Variants in IQANK1 observed in about 807,000 individuals in gnomAD.
The protein encoded by IQANK1 is IQ motif and ankyrin repeat containing 1.
Under a neutral mutation model 22.6 loss-of-function variants are expected in IQANK1, and 30 were observed. That is an observed-to-expected ratio of 1.33 (90% CI 0.99 to 1.80). The LOEUF (loss-of-function observed/expected upper bound fraction) is 1.80, where lower values mean the gene tolerates loss of function less well. IQANK1 is among the 40% of genes most tolerant of loss of function. The pLI, the probability that IQANK1 is intolerant of heterozygous loss-of-function variation, is 0.00. For synonymous variants in IQANK1, 122 were observed against 99.6 expected (o/e 1.23, Z -1.34); for missense variants, 275 against 235.2 (o/e 1.17, Z -1.11).
chr8:143,759,671 C>T (rs1261430518), intron 3 of IQANK1: 6 of 152,236 alleles, frequency 3.9e-5, no homozygotes, highest in Non-Finnish European at 5.9e-5. Context: ...CCAAGGATGC[C>T]CGCCTTGCGC....
chr8:143,787,047 T>C (rs1470271575), intron 7 of IQANK1, among the ~76,000 whole-genome samples: 3 of 152,084 alleles, frequency 2.0e-5, no homozygotes, highest in African/African-American at 4.8e-5. Flanking sequence ...GGGAAACTGC[T>C]CAGAAGCAGG....
At chr8:143,783,114 A>T (rs758359007) in intron 7 of IQANK1, among the ~76,000 whole-genome samples, 1 of 152,244 alleles carries the variant, frequency 6.6e-6, no homozygotes, top group African/African-American at 2.4e-5. Flanking sequence ...GGCTTTGGTT[A>T]TAATGATGCT....
intron 3 of IQANK1, among the ~76,000 whole-genome samples, chr8:143,748,564 A>G (rs61553092): frequency 0.055 from 7,403 of 133,664 alleles, 450 homozygotes; most frequent in African/African-American, 0.15. Context: ...AGATATATAT[A>G]TCATATATAA....
At chr8:143,756,557 T>A (rs556739692) in intron 3 of IQANK1, among the ~76,000 whole-genome samples, 44 of 152,192 alleles carry the variant, frequency 2.9e-4, no homozygotes, top group African/African-American at 1.0e-3. Context: ...ACGCCCAACC[T>A]CGTGGCTTGG....
rs1554631878 is a variant in IQANK1, at chr8:143,789,430, A to T, written c.994-6A>T. ...CTTGCCAGGGCCTGCCCGTACGCCC[A>T]CCCAGCTGCAACAGGCCTACTGTGA... is the stretch of plus-strand genomic sequence containing the variant. On this transcript the variant is annotated splice_polypyrimidine_tract_variant and splice_region_variant and intron_variant, in intron 9 of 13. Coordinates refer to ENST00000527139, the MANE Select transcript of IQANK1 (RefSeq NM_001381874.1). 1 of 1,222,526 alleles carries T rather than the reference A, an allele frequency of 8.2e-7. No individual in the cohort carries two copies. Among genetic ancestry groups the T allele is most frequent in the African/African-American group, 1.6e-5 (1 of 64,214 alleles). The allele number at this position is 1,222,526 out of a possible 1,614,324, so 75.7% of individuals were successfully genotyped here.
At position 143,772,895 on chromosome 8, in the gene IQANK1, C is replaced by T. The variant is rs545281205; in HGVS notation, c.789+413C>T. Among the ~76,000 whole-genome samples the T allele has an allele frequency of 9.2e-5, 14 of 152,312 alleles. No individual in the cohort carries two copies. In the South Asian group the frequency reaches 2.7e-3, roughly 29 times the overall value. On this transcript the variant is annotated intron_variant, in intron 7 of 13. Coordinates refer to ENST00000527139, the MANE Select transcript of IQANK1 (RefSeq NM_001381874.1). ...AGAGCTCACGGCGCTGGGGGCAGCACGGGGCCCACCCATCGGTCCCCTCAC... is the reference window on the plus strand; with the variant it reads ...AGAGCTCACGGCGCTGGGGGCAGCATGGGGCCCACCCATCGGTCCCCTCAC...
At chr8:143,753,698 G>A (rs925815906) in intron 3 of IQANK1, among the ~76,000 whole-genome samples, 3 of 152,004 alleles carry the variant, frequency 2.0e-5, no homozygotes, top group African/African-American at 7.2e-5. Context: ...CAGGTGACCT[G>A]CCTGCCTCGG....
intron 3 of IQANK1, among the ~76,000 whole-genome samples, chr8:143,762,458 C>T (rs1280869094): frequency 6.6e-6 from 1 of 152,220 alleles, no homozygotes; most frequent in Non-Finnish European, 1.5e-5. Context: ...GCATGGACAT[C>T]TCACTAGGCA....
chr8:143,753,660 G>A (rs1554628272), intron 3 of IQANK1, among the ~76,000 whole-genome samples: 1 of 151,952 alleles, frequency 6.6e-6, no homozygotes. Context: ...TCACCGTGTT[G>A]GCCAGGCTGT....
intron 8 of IQANK1, 63 bp downstream of exon 8, chr8:143,789,126 G>A (rs1026448082): frequency 5.0e-6 from 2 of 401,830 alleles, no homozygotes; most frequent in South Asian, 1.2e-4. Context: ...AGGGAGCCCG[G>A]GCAGGGGGTG....
chr8:143,767,019 ACTGGTCT>A (rs1380925287), intron 3 of IQANK1, among the ~76,000 whole-genome samples: 2 of 152,268 alleles, frequency 1.3e-5, no homozygotes, highest in Non-Finnish European at 2.9e-5. Flanking sequence ...ACCCACGGCC[ACTGGTCT>A]CCGTGTGAGA....
At chr8:143,742,702 A>G (rs561401546) in intron 3 of IQANK1, 3 of 455,934 alleles carry the variant, frequency 6.6e-6, no homozygotes, top group South Asian at 4.6e-5. Context: ...GGAAGCTCCA[A>G]AGGGGGGCCT....
rs1554625579 is a variant in IQANK1 at position 143,735,841 on chromosome 8, AC to A, written c.-4-3del. On this transcript the variant is annotated splice_polypyrimidine_tract_variant and splice_region_variant and intron_variant, in intron 1 of 13. Transcript: ENST00000527139. This position sits in a 1 kb window ranked among gnomAD's most constrained non-coding sequence, Gnocchi z 5.2. ...CCCTCTCCCTGGTCCTTCCCTACCCACCCCCCAGGAGAATGGACAGTAAGAA... is the reference window on the plus strand; with the variant it reads ...CCCTCTCCCTGGTCCTTCCCTACCCACCCCCAGGAGAATGGACAGTAAGAA... The A allele has an allele frequency of 2.9e-6, 2 of 700,404 alleles. No homozygotes were observed. Among genetic ancestry groups the A allele is most frequent in the African/African-American group, 3.5e-5 (2 of 56,492 alleles). 43.4% of individuals were successfully genotyped at this position (700,404 alleles called of 1,614,324 possible).
rs374606132 is a variant in IQANK1, at chr8:143,771,175, G to A, written c.176-313G>A. On this transcript the variant is annotated intron_variant, in intron 3 of 13. Coordinates refer to ENST00000527139, the MANE Select transcript of IQANK1 (RefSeq NM_001381874.1). The surrounding 1 kb of genome is among the most constrained non-coding windows in gnomAD (Gnocchi z 6.0). ...TTTCAGGGAAGGGTGTCCCGCGGGG[G>A]ACAGCACCCCTTCCTCACCGTTCCT... is the stretch of plus-strand genomic sequence containing the variant. 4.0e-3 allele frequency among the ~76,000 whole-genome samples: 611 copies of A among 152,322 alleles called. 13 individuals carry two copies. Among genetic ancestry groups the A allele is most frequent in the East Asian group, 0.024 (124 of 5,176 alleles).
In IQANK1 at chr8:143,774,360, A is replaced by G. The variant is rs563602269; in HGVS notation, c.789+1878A>G. Among the ~76,000 whole-genome samples, 1 of 152,330 alleles carries G rather than the reference A, an allele frequency of 6.6e-6. No individual in the cohort carries two copies. The highest frequency in any genetic ancestry group is 2.4e-5 in the African/African-American group (1 of 41,582). On this transcript the variant is annotated intron_variant, in intron 7 of 13. Transcript: ENST00000527139. The surrounding 1 kb of genome is among the most constrained non-coding windows in gnomAD (Gnocchi z 4.2). ...AACTCACATCGCAAACAACAATGAA[A>G]CATACAATCTAGGTATAAAATGAGC...
chr8:143,756,340 T>C (rs1162059773), intron 3 of IQANK1, among the ~76,000 whole-genome samples: 1 of 152,194 alleles, frequency 6.6e-6, no homozygotes, highest in Non-Finnish European at 1.5e-5. Context: ...CACGAGGGAC[T>C]GTCTGAGAAC....
rs1554630114 is a variant in IQANK1, at chr8:143,774,310, G to GCAC, written c.789+1829_789+1831dup. On this transcript the variant is annotated intron_variant, in intron 7 of 13. Coordinates refer to ENST00000527139, the MANE Select transcript of IQANK1 (RefSeq NM_001381874.1). This position sits in a 1 kb window ranked among gnomAD's most constrained non-coding sequence, Gnocchi z 4.2. ...GTTTGTGAACCACGCATCTGGCAAG[G>GCAC]CACGTGTACCTAGAACATAGAAAAA... Among the ~76,000 whole-genome samples, 1 of 152,144 alleles carries GCAC rather than the reference G, an allele frequency of 6.6e-6. No homozygotes were observed. Among genetic ancestry groups the GCAC allele is most frequent in the East Asian group, 1.9e-4 (1 of 5,198 alleles).
At position 143,736,008 on chromosome 8, in the gene IQANK1, ACCGAGAGACACCC is replaced by A. The variant is rs1818727896; in HGVS notation, c.85+73_85+85del. 1.0e-5 allele frequency: 7 copies of A among 694,358 alleles called. No individual in the cohort carries two copies. The South Asian group carries it at 1.0e-4, about 10-fold the overall frequency. The allele number at this position is 694,358 out of a possible 1,614,324, so 43.0% of individuals were successfully genotyped here. Reference sequence around the variant, plus strand: ...GACCTGTGAGACCTTCTATGTAGCCACCGAGAGACACCCCCTCTGAGGAGAGCCCTTCTTCCAA... The same window carrying A: ...GACCTGTGAGACCTTCTATGTAGCCACCTCTGAGGAGAGCCCTTCTTCCAA... On this transcript the variant is annotated intron_variant, in intron 2 of 13. Transcript: ENST00000527139.
At chr8:143,742,594 C>T (rs1430130568) in intron 3 of IQANK1, 2 of 456,108 alleles carry the variant, frequency 4.4e-6, no homozygotes, top group South Asian at 3.1e-5. Context: ...GCTGGGAAAC[C>T]CAGCCTGGGA....
Sources: allele counts gnomAD v4.1 joint callset (sites outside exome capture counted in the v4.1 genomes callset), GRCh38; gene constraint gnomAD v4.1.1; non-coding constraint Gnocchi (gnomAD v3.1); transcripts MANE v1.5; gene names NCBI Gene and HGNC (gene_info 2026-07-23, HGNC 2026-07-21).